EIF3H: variants seen among roughly 807,000 people sequenced by gnomAD.
EIF3H encodes eukaryotic translation initiation factor 3 subunit H.
Under a neutral mutation model 44.2 loss-of-function variants are expected in EIF3H, and 26 were observed. The observed-to-expected ratio is 0.59, with a 90% CI of 0.43 to 0.82. The LOEUF is 0.82. EIF3H is among the 40% of genes least tolerant of loss of function. The pLI, the probability that EIF3H is intolerant of heterozygous loss-of-function variation, is 0.00. For missense variants in EIF3H, 359 were observed against 432.8 expected, an observed-to-expected ratio of 0.83 and a Z score of 1.51; for synonymous variants, 166 against 151.9, an observed-to-expected ratio of 1.09 and a Z score of -0.68.
intron 2 of EIF3H, among the ~76,000 whole-genome samples, chr8:116,719,743 T>G (rs559686666): frequency 1.3e-5 from 2 of 152,258 alleles, no homozygotes; most frequent in South Asian, 4.1e-4. Flanking sequence ...CATGAGGTTA[T>G]GAAAAACTAA....
chr8:116,650,908 C>A (rs12547058), intron 5 of EIF3H, among the ~76,000 whole-genome samples: 2 of 152,006 alleles, frequency 1.3e-5, no homozygotes, highest in African/African-American at 2.4e-5. Context: ...GGGATTACAG[C>A]CATGAGCCAC....
At chr8:116,746,203 A>G (rs1815232123) in intron 1 of EIF3H, among the ~76,000 whole-genome samples, 1 of 152,232 alleles carries the variant, frequency 6.6e-6, no homozygotes, top group Non-Finnish European at 1.5e-5. Context: ...GTTTTCTCAT[A>G]CATTTTAAAG....
intron 2 of EIF3H, among the ~76,000 whole-genome samples, chr8:116,661,204 G>A (rs1157655976): frequency 6.6e-6 from 1 of 152,150 alleles, no homozygotes; most frequent in Admixed American, 6.5e-5. Flanking sequence ...TGAGTGAAAA[G>A]TCCCAGTATT....
chr8:116,680,241 G>A (rs1285303847), intron 2 of EIF3H, among the ~76,000 whole-genome samples: 5 of 51,852 alleles, frequency 9.6e-5, no homozygotes, highest in Admixed American at 4.4e-4. Context: ...CGCCCCATCC[G>A]GGAGGTGAGG....
At chr8:116,703,504 C>T (rs1814415154) in intron 2 of EIF3H, among the ~76,000 whole-genome samples, 2 of 152,254 alleles carry the variant, frequency 1.3e-5, no homozygotes, top group African/African-American at 4.8e-5. Context: ...GGTCCACTTT[C>T]ATGTTCCACT....
At chr8:116,708,728 T>C (rs544647587) in intron 2 of EIF3H, among the ~76,000 whole-genome samples, 1 of 152,112 alleles carries the variant, frequency 6.6e-6, no homozygotes, top group Non-Finnish European at 1.5e-5. Flanking sequence ...TCTTAAAACA[T>C]GAAATATATA....
rs1204003458 is a variant in EIF3H at position 116,679,112 on chromosome 8, G to A, written c.290-20132C>T. Among the ~76,000 whole-genome samples, 4 of 62,320 alleles carry A rather than the reference G, an allele frequency of 6.4e-5. 1 individual carries two copies. Among genetic ancestry groups the A allele is most frequent in the African/African-American group, 2.0e-4 (4 of 19,734 alleles). The allele number at this position is 62,320 out of a possible 152,430, so 40.9% of individuals were successfully genotyped here. A position where few individuals can be genotyped will look rare whatever the true frequency, so the allele number is the denominator to read the frequency against. On this transcript the variant is annotated intron_variant, in intron 2 of 7. Coordinates refer to ENST00000521861, the MANE Select transcript of EIF3H (RefSeq NM_003756.3). ...CCCGGCCAGCCTCCCCGTCCGGGAG[G>A]GGGGAGGGGGGGTCAGCCCCCTGCC...
intron 1 of EIF3H, among the ~76,000 whole-genome samples, chr8:116,752,665 G>GAAGAAAGAAAGAAAGAAAGAAAGA (rs561596543): frequency 4.8e-5 from 3 of 62,554 alleles, no homozygotes; most frequent in African/African-American, 6.7e-5. Flanking sequence ...AGACAGAAAT[G>GAAGAAAGAAAGAAAGAAAGAAAGA]AAGAAAGAAA....
At chr8:116,752,183 T>C (rs1027042308) in intron 1 of EIF3H, among the ~76,000 whole-genome samples, 3 of 152,156 alleles carry the variant, frequency 2.0e-5, no homozygotes, top group Admixed American at 6.5e-5. Flanking sequence ...TTGATAGGGA[T>C]AGTGGCAATC....
chr8:116,719,139 A>G (rs2130913843), intron 2 of EIF3H, among the ~76,000 whole-genome samples: 1 of 152,328 alleles, frequency 6.6e-6, no homozygotes, highest in South Asian at 2.1e-4. Context: ...ATCACAATTC[A>G]CTGTCTTTGT....
intron 2 of EIF3H, among the ~76,000 whole-genome samples, chr8:116,717,982 C>T (rs897733784): frequency 7.2e-5 from 11 of 152,078 alleles, no homozygotes; most frequent in African/African-American, 2.4e-4. Context: ...AAAATCTTCA[C>T]AATCTATATA....
At chr8:116,732,273 G>A (rs572227666) in intron 1 of EIF3H, among the ~76,000 whole-genome samples, 24 of 150,962 alleles carry the variant, frequency 1.6e-4, no homozygotes, top group Admixed American at 1.4e-3. Context: ...AAGCAAGAAC[G>A]GATTTAACTT....
intron 1 of EIF3H, among the ~76,000 whole-genome samples, chr8:116,746,240 C>A (rs1392835078): frequency 6.6e-6 from 1 of 152,166 alleles, no homozygotes; most frequent in African/African-American, 2.4e-5. Flanking sequence ...CACCTGAGTT[C>A]TGAAAAACAT....
chr8:116,753,664 T>A (rs895824383), intron 1 of EIF3H, among the ~76,000 whole-genome samples: 5 of 152,342 alleles, frequency 3.3e-5, no homozygotes, highest in African/African-American at 1.2e-4. Flanking sequence ...TTGTGAAACC[T>A]GAAGTGATCC....
intron 2 of EIF3H, among the ~76,000 whole-genome samples, chr8:116,705,269 A>C (rs78089454): frequency 5.1e-4 from 77 of 152,328 alleles, no homozygotes; most frequent in African/African-American, 1.8e-3. Context: ...TCAGACTATG[A>C]AAATATTAGC....
intron 1 of EIF3H, among the ~76,000 whole-genome samples, chr8:116,745,210 T>C (rs1190699037): frequency 6.6e-6 from 1 of 152,264 alleles, no homozygotes; most frequent in African/African-American, 2.4e-5. Context: ...ATTTTGATCA[T>C]ATTCCATTTA....
chr8:116,754,597 CTA>C (rs1815410168), intron 1 of EIF3H, among the ~76,000 whole-genome samples: 1 of 152,228 alleles, frequency 6.6e-6, no homozygotes, highest in Admixed American at 6.5e-5. Context: ...CCAAACAACT[CTA>C]TGATACAGAT....
chr8:116,652,487 TG>T (rs1281298301), intron 5 of EIF3H, among the ~76,000 whole-genome samples: 3 of 152,288 alleles, frequency 2.0e-5, no homozygotes, highest in Admixed American at 6.5e-5. Flanking sequence ...TCTTTTGAGA[TG>T]GGGGGATGTA....
intron 1 of EIF3H, among the ~76,000 whole-genome samples, chr8:116,738,465 A>G (rs1017404163): frequency 1.3e-5 from 2 of 152,170 alleles, no homozygotes; most frequent in African/African-American, 4.8e-5. Flanking sequence ...GCACACATAT[A>G]TACAAATTGC....
Sources: gnomAD v4.1 joint callset for allele counts (sites outside exome capture counted in the v4.1 genomes callset) on GRCh38, gnomAD v4.1.1 for gene constraint, MANE v1.5 for transcripts, NCBI Gene and HGNC (gene_info 2026-07-23, HGNC 2026-07-21) for gene names.